Variants in CTSZ observed in about 807,000 individuals in gnomAD.
CTSZ encodes the protein cathepsin Z.
Under a neutral mutation model 32.4 loss-of-function variants are expected in CTSZ, and 39 were observed. That is an observed-to-expected ratio of 1.20 (90% CI 0.93 to 1.57). The LOEUF (loss-of-function observed/expected upper bound fraction) is 1.57. Among genes scored for constraint, CTSZ ranks in the 40% most tolerant of loss-of-function variants. The pLI is 0.00. For missense variants in CTSZ, 397 were observed against 419.6 expected (o/e 0.95, Z 0.47); for synonymous variants, 168 against 170.1 (o/e 0.99, Z 0.10).
rs574938687 is a variant in CTSZ, at chr20:58,996,743, A to G, written c.697T>C (p.Tyr233His). ...ANYTGGIYAE[Y>H]QDTTYINHVV... is the part of the protein sequence containing the mutation. ...TGGTTTATATATGTGGTGTCCTGGT[A>G]TTCGGCATAGATGCCTCCGGTGTAG... Residue 233 changes from tyrosine (Y) to histidine (H), a missense_variant, in exon 5 of 6, where the codon TAC (tyrosine) becomes CAC (histidine). Coordinates refer to ENST00000217131, the MANE Select transcript of CTSZ (RefSeq NM_001336.4). 14 of 1,614,228 alleles carry G rather than the reference A, an allele frequency of 8.7e-6. No homozygotes were observed. In the African/African-American group the frequency reaches 1.5e-4, roughly 17 times the overall value.
At chr20:59,006,149 T>TG in intron 2 of CTSZ, 173 bp downstream of exon 2, 1 of 768,828 alleles carries the variant, frequency 1.3e-6, no homozygotes, top group Admixed American at 3.0e-5. Flanking sequence ...TGACCCAGCT[T>TG]GGGTCACCTC....
At chr20:58,997,460 G>A (rs2091866370) in intron 4 of CTSZ, 143 bp downstream of exon 4, 2 of 709,908 alleles carry the variant, frequency 2.8e-6, no homozygotes, top group Non-Finnish European at 2.1e-6. Context: ...AGTGGCGAAG[G>A]ACGGAGATGC....
chr20:59,004,852 C>G lies in CTSZ; in HGVS notation c.307+1470G>C, dbSNP rs888915526. Among the ~76,000 whole-genome samples, 1 of 152,112 alleles carries G rather than the reference C, an allele frequency of 6.6e-6. No homozygotes were observed. Among genetic ancestry groups the G allele is most frequent in the South Asian group, 2.1e-4 (1 of 4,820 alleles). On this transcript the variant is annotated intron_variant, in intron 2 of 5. Transcript: ENST00000217131. The surrounding 1 kb of genome is among the most constrained non-coding windows in gnomAD (Gnocchi z 5.6). ...AAGCAGTCATCCGCCCAGAGAGAGT[C>G]CCCTGGGGAAATGCGGCAGGGCTGA...
chr20:59,001,432 G>A (rs776243601), intron 3 of CTSZ, 33 bp downstream of exon 3: 3 of 1,584,862 alleles, frequency 1.9e-6, no homozygotes, highest in East Asian at 2.3e-5. Context: ...TGGAGGGCAG[G>A]AGGGTGGAGT....
In CTSZ at chr20:59,002,871, T is replaced by C. The variant is rs149564193; in HGVS notation, c.308-1227A>G. Among the ~76,000 whole-genome samples the C allele has an allele frequency of 6.7e-4, 102 of 152,112 alleles. No homozygotes were observed. Among genetic ancestry groups the C allele is most frequent in the Middle Eastern group, 3.4e-3 (1 of 294 alleles). On this transcript the variant is annotated intron_variant, in intron 2 of 5. Coordinates refer to ENST00000217131, the MANE Select transcript of CTSZ (RefSeq NM_001336.4). The surrounding 1 kb of genome is among the most constrained non-coding windows in gnomAD (Gnocchi z 4.1). ...TCCAGCTTTCCTTCTCCCCGCTCCC[T>C]TGTCAGCTATGCCCCCTCTAAGCAG... is the stretch of plus-strand genomic sequence containing the variant.
chr20:59,006,857 A>G (rs2091910513), intron 1 of CTSZ, 129 bp downstream of exon 1: 5 of 838,950 alleles, frequency 6.0e-6, no homozygotes, highest in East Asian at 6.6e-5. Flanking sequence ...GCGACCCCCA[A>G]AACGAAGCGG....
chr20:58,998,777 C>T (rs2091874316), intron 3 of CTSZ, among the ~76,000 whole-genome samples: 1 of 152,180 alleles, frequency 6.6e-6, no homozygotes, highest in Non-Finnish European at 1.5e-5. Context: ...ACTGTGTTCC[C>T]ACTTTTCACT....
Position 59,004,895 on chromosome 20 carries a change from A to G in CTSZ, c.307+1427T>C, listed in dbSNP as rs151335. On this transcript the variant is annotated intron_variant, in intron 2 of 5. Coordinates refer to ENST00000217131, the MANE Select transcript of CTSZ (RefSeq NM_001336.4). This position sits in a 1 kb window ranked among gnomAD's most constrained non-coding sequence, Gnocchi z 5.6. ...AGGGCTGACCCCTGGCCAGGGTCCC[A>G]CATCCATCTGAAAGCCATCTCCTTT... 0.75 allele frequency among the ~76,000 whole-genome samples: 114,299 copies of G among 151,854 alleles called. 43,359 individuals are homozygous for G. The highest frequency in any genetic ancestry group is 0.87 in the East Asian group (4,459 of 5,140).
chr20:59,006,319 C>T lies in CTSZ; in HGVS notation c.307+3G>A, dbSNP rs1456407580. 3.7e-6 allele frequency: 6 copies of T among 1,602,716 alleles called. No homozygotes were observed. Among genetic ancestry groups the T allele is most frequent in the Non-Finnish European group, 4.3e-6 (5 of 1,174,894 alleles). ...GGCCCACAGTCAAAGGGCGGCCACT[C>T]ACCCGCCATAGCGCTGGTGCTGGCG... is the stretch of plus-strand genomic sequence containing the variant. On this transcript the variant is annotated splice_donor_region_variant and intron_variant, in intron 2 of 5. Transcript: ENST00000217131.
rs1346224123 is a variant in CTSZ, at chr20:59,007,001, G to T, written c.128C>A (p.Ala43Asp). ...CYRPLRGDGLAPLGRSTYPRP... is the reference protein window; with the variant it reads ...CYRPLRGDGLDPLGRSTYPRP... ...CGGTGCCCACCTGCGCCCCAGCGGA[G>T]CCAGCCCGTCCCCCCGCAGAGGCCG... Residue 43 changes from alanine (A) to aspartate (D), a missense_variant, in exon 1 of 6, where the codon GCT (alanine) becomes GAT (aspartate). Coordinates refer to ENST00000217131, the MANE Select transcript of CTSZ (RefSeq NM_001336.4). The T allele has an allele frequency of 6.8e-7, 1 of 1,468,530 alleles. No individual in the cohort carries two copies. Among genetic ancestry groups the T allele is most frequent in the Non-Finnish European group, 8.9e-7 (1 of 1,117,348 alleles). 91.0% of individuals were successfully genotyped at this position (1,468,530 alleles called of 1,614,324 possible).
chr20:59,001,321 G>T (rs1226522666), intron 3 of CTSZ, 144 bp downstream of exon 3: 1 of 925,160 alleles, frequency 1.1e-6, no homozygotes, highest in African/African-American at 1.7e-5. Context: ...GCCCCTGGGG[G>T]CTGCAACCTC....
rs940873947 is a variant in CTSZ, at chr20:59,004,170, G to T, written c.307+2152C>A. Among the ~76,000 whole-genome samples the T allele has an allele frequency of 4.6e-5, 7 of 152,196 alleles. No individual in the cohort carries two copies. The highest frequency in any genetic ancestry group is 3.3e-4 in the Admixed American group (5 of 15,286). ...CTGGGGAAGAAATGGGCTGTCAGGTGACAGTAGTGGAAGGAGCCATCCAGA... is the reference window on the plus strand; with the variant it reads ...CTGGGGAAGAAATGGGCTGTCAGGTTACAGTAGTGGAAGGAGCCATCCAGA... On this transcript the variant is annotated intron_variant, in intron 2 of 5. Coordinates refer to ENST00000217131, the MANE Select transcript of CTSZ (RefSeq NM_001336.4). The surrounding 1 kb of genome is among the most constrained non-coding windows in gnomAD (Gnocchi z 5.6).
chr20:59,001,713 C>T (rs980899241), intron 2 of CTSZ, 69 bp from the exon 3 acceptor site: 33 of 1,524,950 alleles, frequency 2.2e-5, no homozygotes, highest in African/African-American at 1.4e-4. Context: ...CGGACCTGGA[C>T]GCCTCAGGCG....
At chr20:58,996,397 T>C (rs997202410) in intron 5 of CTSZ, among the ~76,000 whole-genome samples, 6 of 152,206 alleles carry the variant, frequency 3.9e-5, no homozygotes, top group Non-Finnish European at 7.4e-5. Flanking sequence ...GGGAGTCACC[T>C]AGTGGGTGGA....
chr20:58,997,546 C>T, intron 4 of CTSZ, 57 bp downstream of exon 4: 1 of 1,471,748 alleles, frequency 6.8e-7, no homozygotes, highest in South Asian at 1.4e-5. Context: ...CCTTTCCTCA[C>T]CCGCGGGACC....
intron 5 of CTSZ, 182 bp downstream of exon 5, chr20:58,996,457 C>A: frequency 1.6e-6 from 1 of 636,042 alleles, no homozygotes; most frequent in Non-Finnish European, 2.8e-6. Context: ...TGGCGGCAGC[C>A]GCGCATGTCA....
chr20:58,997,887 T>C, intron 3 of CTSZ, 134 bp from the exon 4 acceptor site: 3 of 718,734 alleles, frequency 4.2e-6, no homozygotes, highest in Middle Eastern at 3.5e-4. Context: ...ATCATCTTGC[T>C]ATTAGGTGCT....
At position 58,996,455 on chromosome 20, in the gene CTSZ, G is replaced by A. The variant is rs948431596; in HGVS notation, c.801+184C>T. ...ACCCAAAGTGCACAGGATGGCGGCAGCCGCGCATGTCAGAGAAGGGTCTGG... is the reference window on the plus strand; with the variant it reads ...ACCCAAAGTGCACAGGATGGCGGCAACCGCGCATGTCAGAGAAGGGTCTGG... On this transcript the variant is annotated intron_variant, in intron 5 of 5. Coordinates refer to ENST00000217131, the MANE Select transcript of CTSZ (RefSeq NM_001336.4). 7.9e-6 allele frequency: 5 copies of A among 630,150 alleles called. No individual in the cohort carries two copies. The Admixed American group carries it at 1.1e-4, about 14-fold the overall frequency. The allele number at this position is 630,150 out of a possible 1,614,324, so 39.0% of individuals were successfully genotyped here. A position where few individuals can be genotyped will look rare whatever the true frequency, so the allele number is the denominator to read the frequency against.
At chr20:59,005,859 A>G (rs2091906858) in intron 2 of CTSZ, among the ~76,000 whole-genome samples, 1 of 152,148 alleles carries the variant, frequency 6.6e-6, no homozygotes, top group South Asian at 2.1e-4. Context: ...CCAAAAGCCT[A>G]AGATAGAAAC....
Sources: gnomAD v4.1 joint callset for allele counts (sites outside exome capture counted in the v4.1 genomes callset) on GRCh38, gnomAD v4.1.1 for gene constraint, Gnocchi (gnomAD v3.1) non-coding constraint, MANE v1.5 for transcripts, NCBI Gene and HGNC (gene_info 2026-07-23, HGNC 2026-07-21) for gene names.